LINGO2: variants seen among roughly 807,000 people sequenced by gnomAD.
LINGO2 encodes the protein leucine rich repeat and Ig domain containing 2, also known as leucine-rich repeat and immunoglobulin-like domain-containing nogo receptor-interacting protein 2.
A neutral mutation model predicts 30.6 loss-of-function variants in LINGO2; 14 were observed. The observed-to-expected ratio is 0.46, with a 90% confidence interval of 0.30 to 0.72. The LOEUF is 0.72. Among genes scored for constraint, LINGO2 ranks in the 30% least tolerant of loss-of-function variants. LINGO2 has a pLI of 0.07. For missense variants in LINGO2, 729 were observed against 751.7 expected, an observed-to-expected ratio of 0.97 and a Z score of 0.35; for synonymous variants, 317 against 288.5, an observed-to-expected ratio of 1.10 and a Z score of -1.00.
At chr9:28,357,315 G>GGCCC (rs796282898) in intron 3 of LINGO2, among the ~76,000 whole-genome samples, 1 of 66,080 alleles carries the variant, frequency 1.5e-5, no homozygotes, top group African/African-American at 4.8e-5. Flanking sequence ...CAGAAATAAA[G>GGCCC]CCCACCCCCC....
chr9:28,795,074 G>A, the LINGO2 span, among the ~76,000 whole-genome samples: 4 of 151,866 alleles, frequency 2.6e-5, no homozygotes, highest in East Asian at 1.9e-4. Context: ...CAGGTGATGC[G>A]CCCCCACCTC....
intron 2 of LINGO2, among the ~76,000 whole-genome samples, chr9:28,389,106 A>T (rs1010412882): frequency 6.6e-6 from 1 of 152,158 alleles, no homozygotes; most frequent in Non-Finnish European, 1.5e-5. Context: ...ACAGCCCTTT[A>T]TGTCTTTAGA....
chr9:28,284,870 T>A (rs1388382946), intron 4 of LINGO2, among the ~76,000 whole-genome samples: 1 of 152,184 alleles, frequency 6.6e-6, no homozygotes, highest in African/African-American at 2.4e-5. Flanking sequence ...CAATATGATA[T>A]GAACTATATA....
chr9:27,951,650 G>A (rs1456913236), intron 5 of LINGO2, among the ~76,000 whole-genome samples: 1 of 152,046 alleles, frequency 6.6e-6, no homozygotes, highest in Non-Finnish European at 1.5e-5. Flanking sequence ...GAATCCAACT[G>A]AATAAATAAA....
Position 28,634,485 on chromosome 9 carries a change from CTTTTTTT to C in LINGO2, c.-365+35708_-365+35714del, listed in dbSNP as rs755583837. On this transcript the variant is annotated intron_variant, in intron 1 of 5. Transcript: ENST00000379992. Reference sequence around the variant, plus strand: ...CACACTTTCTTTCTTTTCTTTTTTTCTTTTTTTTTTTTTTTTTTGAAATGGAGTTTCA... The same window carrying C: ...CACACTTTCTTTCTTTTCTTTTTTTCTTTTTTTTTTTGAAATGGAGTTTCA... Among the ~76,000 whole-genome samples, 517 of 124,668 alleles carry C rather than the reference CTTTTTTT, an allele frequency of 4.1e-3. 3 individuals are homozygous for C. The highest frequency in any genetic ancestry group is 0.013 in the African/African-American group (420 of 32,420). 81.8% of individuals were successfully genotyped at this position (124,668 alleles called of 152,430 possible).
intron 1 of LINGO2, among the ~76,000 whole-genome samples, chr9:28,507,136 A>T (rs889637911): frequency 3.4e-4 from 51 of 151,994 alleles, no homozygotes; most frequent in African/African-American, 1.2e-3. Context: ...CATGAATGGC[A>T]ACTCTCGCTG....
At chr9:28,830,407 T>C in the LINGO2 span, among the ~76,000 whole-genome samples, 90 of 152,218 alleles carry the variant, frequency 5.9e-4, no homozygotes, top group Admixed American at 9.2e-4. Context: ...AATCATCTGC[T>C]AAGAAGTGTG....
intron 4 of LINGO2, among the ~76,000 whole-genome samples, chr9:28,079,237 ACATG>A (rs1825709119): frequency 6.6e-6 from 1 of 152,206 alleles, no homozygotes; most frequent in African/African-American, 2.4e-5. Context: ...TTGAATATAA[ACATG>A]ATTTACTGAG....
At chr9:28,011,346 A>G (rs1587684893) in intron 5 of LINGO2, among the ~76,000 whole-genome samples, 1 of 152,332 alleles carries the variant, frequency 6.6e-6, no homozygotes, top group South Asian at 2.1e-4. Context: ...TTTGGAGAAA[A>G]GGAATCAAAT....
the LINGO2 span, among the ~76,000 whole-genome samples, chr9:28,848,407 A>ATATATATATATACTGTATATAG: frequency 3.5e-5 from 4 of 113,444 alleles, no homozygotes; most frequent in Non-Finnish European, 5.4e-5. Context: ...GTATATATAT[A>ATATATATATATACTGTATATAG]TATATATATA....
At chr9:28,453,976 G>A (rs1244427045) in intron 2 of LINGO2, among the ~76,000 whole-genome samples, 1 of 151,976 alleles carries the variant, frequency 6.6e-6, no homozygotes, top group East Asian at 1.9e-4. Flanking sequence ...TGCATTCATG[G>A]CTGGAATGGT....
At chr9:28,104,269 T>TC (rs1430111592) in intron 4 of LINGO2, among the ~76,000 whole-genome samples, 1 of 142,430 alleles carries the variant, frequency 7.0e-6, no homozygotes, top group African/African-American at 2.6e-5. Flanking sequence ...TTTGTTTGTT[T>TC]TTTTTTTTTT....
At chr9:29,090,449 C>T in the LINGO2 span, among the ~76,000 whole-genome samples, 6 of 151,982 alleles carry the variant, frequency 3.9e-5, no homozygotes, top group Non-Finnish European at 8.8e-5. Flanking sequence ...CTGTCCCTGT[C>T]ATCTCTCTAA....
the LINGO2 span, among the ~76,000 whole-genome samples, chr9:29,076,905 A>T: frequency 3.3e-5 from 5 of 152,006 alleles, no homozygotes; most frequent in African/African-American, 1.2e-4. Context: ...TTGGTTAAGA[A>T]TTAAAATAAA....
At chr9:28,687,997 C>T in the LINGO2 span, among the ~76,000 whole-genome samples, 100 of 152,158 alleles carry the variant, frequency 6.6e-4, no homozygotes, top group Non-Finnish European at 1.1e-3. Context: ...AAAAAGTAAA[C>T]AGTTTGAAAC....
At chr9:29,123,850 A>G in the LINGO2 span, among the ~76,000 whole-genome samples, 1 of 152,116 alleles carries the variant, frequency 6.6e-6, no homozygotes, top group African/African-American at 2.4e-5. Flanking sequence ...TTCTGTGTCA[A>G]GTAGGAACAT....
chr9:28,116,283 G>A (rs374982940), intron 4 of LINGO2, among the ~76,000 whole-genome samples: 3 of 13,830 alleles, frequency 2.2e-4, no homozygotes, highest in African/African-American at 1.1e-3. Flanking sequence ...CGAGAGATCC[G>A]CTGTTAGTCT....
chr9:28,038,576 C>T (rs1824053006), intron 4 of LINGO2, among the ~76,000 whole-genome samples: 1 of 151,816 alleles, frequency 6.6e-6, no homozygotes, highest in South Asian at 2.1e-4. Flanking sequence ...GCCTGTAGTC[C>T]CAGCTACTTG....
chr9:28,277,655 A>C (rs548186927), intron 4 of LINGO2, among the ~76,000 whole-genome samples: 7 of 151,968 alleles, frequency 4.6e-5, no homozygotes, highest in South Asian at 4.2e-4. Context: ...AACACACACA[A>C]AAAATTAGCT....
Sources: gnomAD v4.1 joint callset for allele counts (sites outside exome capture counted in the v4.1 genomes callset) on GRCh38, gnomAD v4.1.1 for gene constraint, MANE v1.5 for transcripts, NCBI Gene and HGNC (gene_info 2026-07-23, HGNC 2026-07-21) for gene names.